SBF2: variants seen among roughly 807,000 people sequenced by gnomAD.
SBF2 encodes myotubularin-related protein 13.
A neutral mutation model predicts 225.2 loss-of-function variants in SBF2; 112 were observed. The observed-to-expected ratio is 0.50, with a 90% CI of 0.43 to 0.58. The LOEUF (loss-of-function observed/expected upper bound fraction) is 0.58. SBF2 is among the 20% of genes least tolerant of loss of function. SBF2 has a pLI of 0.00. For synonymous variants in SBF2, 763 were observed against 773.3 expected, an observed-to-expected ratio of 0.99 and a Z score of 0.22; for missense variants, 1,996 against 2,206.2, an observed-to-expected ratio of 0.90 and a Z score of 1.91.
At chr11:9,839,437 A>AC in intron 26 of SBF2, 61 bp downstream of exon 26, 1 of 1,523,694 alleles carries the variant, frequency 6.6e-7, no homozygotes. Context: ...ATGGCCTATT[A>AC]AAGATTCAAA....
intron 27 of SBF2, among the ~76,000 whole-genome samples, chr11:9,831,063 A>G (rs951726522): frequency 1.3e-5 from 2 of 152,112 alleles, no homozygotes; most frequent in Non-Finnish European, 2.9e-5. Flanking sequence ...CAGTGGTGCA[A>G]TCGTGGCTCA....
At chr11:10,163,060 A>C (rs16907515) in intron 2 of SBF2, among the ~76,000 whole-genome samples, 11,333 of 152,262 alleles carry the variant, frequency 0.074, 605 homozygotes, top group East Asian at 0.28. Context: ...AAAGGACTAG[A>C]TAAATTCACT....
intron 1 of SBF2, among the ~76,000 whole-genome samples, chr11:10,268,164 C>T (rs1591337834): frequency 6.6e-6 from 1 of 152,142 alleles, no homozygotes; most frequent in East Asian, 1.9e-4. Context: ...CACTTGATTT[C>T]TCTCTGTAAA....
chr11:10,213,472 T>G (rs933677909), intron 1 of SBF2, among the ~76,000 whole-genome samples: 1 of 152,178 alleles, frequency 6.6e-6, no homozygotes, highest in Non-Finnish European at 1.5e-5. Flanking sequence ...AAACTAAAAT[T>G]AGATTCCTCC....
intron 2 of SBF2, among the ~76,000 whole-genome samples, chr11:10,082,145 T>A (rs1951392697): frequency 6.6e-6 from 1 of 152,058 alleles, no homozygotes; most frequent in South Asian, 2.1e-4. Flanking sequence ...AATGGATAAG[T>A]TCCTGGAAAC....
At chr11:9,991,097 CAT>C (rs1300243244) in intron 12 of SBF2, among the ~76,000 whole-genome samples, 2 of 152,120 alleles carry the variant, frequency 1.3e-5, no homozygotes, top group Non-Finnish European at 2.9e-5. Flanking sequence ...CCTTGGAGAG[CAT>C]CTATTTTAAT....
chr11:9,912,924 A>G (rs1279939566), intron 16 of SBF2, among the ~76,000 whole-genome samples: 3 of 152,244 alleles, frequency 2.0e-5, no homozygotes, highest in East Asian at 3.8e-4. Context: ...AAGAATTACT[A>G]TAAAACATTA....
chr11:10,152,439 G>A (rs1186661411), intron 2 of SBF2, among the ~76,000 whole-genome samples: 1 of 151,790 alleles, frequency 6.6e-6, no homozygotes, highest in Non-Finnish European at 1.5e-5. Flanking sequence ...ATCCCAGCTG[G>A]TCGGGAGGCT....
At chr11:10,045,088 A>C (rs1366852082) in intron 2 of SBF2, among the ~76,000 whole-genome samples, 2 of 151,826 alleles carry the variant, frequency 1.3e-5, no homozygotes, top group Non-Finnish European at 2.9e-5. Context: ...GTTTGGCAGG[A>C]GGTCCAGTCA....
At chr11:10,217,948 G>A (rs1958190972) in intron 1 of SBF2, among the ~76,000 whole-genome samples, 1 of 151,964 alleles carries the variant, frequency 6.6e-6, no homozygotes, top group Non-Finnish European at 1.5e-5. Flanking sequence ...CGCCCAGGCT[G>A]GAGTGCAGTG....
In SBF2 at chr11:9,841,367, A is replaced by G. The variant is rs1291169202; in HGVS notation, c.3256+1258T>C. On this transcript the variant is annotated intron_variant, in intron 25 of 39. Transcript: ENST00000256190. ...GTCAATAGTGATGGGTAGCGATAAT[A>G]TTTTTATGGTTTGACACATGACTGT... Among the ~76,000 whole-genome samples the G allele has an allele frequency of 2.6e-5, 4 of 152,162 alleles. No homozygotes were observed. In the East Asian group the frequency reaches 7.7e-4, roughly 29 times the overall value.
intron 19 of SBF2, 85 bp downstream of exon 19, chr11:9,856,373 G>T: frequency 6.5e-7 from 1 of 1,543,778 alleles, no homozygotes; most frequent in African/African-American, 1.4e-5. Context: ...AGCAGTATTT[G>T]CTCAAAATGT....
chr11:10,300,270 G>A (rs994991418), intron 1 of SBF2, among the ~76,000 whole-genome samples: 4 of 152,190 alleles, frequency 2.6e-5, no homozygotes, highest in Admixed American at 1.3e-4. Context: ...GGTGATTACT[G>A]TATGTTGAGA....
intron 16 of SBF2, among the ~76,000 whole-genome samples, chr11:9,955,316 C>G (rs1179102926): frequency 6.6e-6 from 1 of 151,956 alleles, no homozygotes; most frequent in Non-Finnish European, 1.5e-5. Flanking sequence ...CATATACATA[C>G]ATACATACAT....
intron 16 of SBF2, among the ~76,000 whole-genome samples, chr11:9,899,202 T>C (rs1349177410): frequency 1.3e-5 from 2 of 151,866 alleles, no homozygotes; most frequent in South Asian, 2.1e-4. Flanking sequence ...AGCAATAAAA[T>C]AGTCACTTGG....
intron 16 of SBF2, among the ~76,000 whole-genome samples, chr11:9,911,096 G>A (rs975017985): frequency 2.0e-5 from 3 of 151,498 alleles, no homozygotes; most frequent in East Asian, 1.9e-4. Context: ...GACTGGGCAC[G>A]GTGGCTCATG....
At chr11:10,140,069 T>C (rs753700217) in intron 2 of SBF2, among the ~76,000 whole-genome samples, 1 of 152,230 alleles carries the variant, frequency 6.6e-6, no homozygotes, top group Non-Finnish European at 1.5e-5. Context: ...CATTTGGTCT[T>C]TGCCACCAGT....
chr11:10,154,491 G>T (rs551930868), intron 2 of SBF2, among the ~76,000 whole-genome samples: 4 of 151,934 alleles, frequency 2.6e-5, no homozygotes, highest in African/African-American at 7.3e-5. Context: ...TTCAGTTCTC[G>T]TATTTGATGT....
rs574331453 is a variant in SBF2 at position 10,286,103 on chromosome 11, C to T, written c.55+7912G>A. On this transcript the variant is annotated intron_variant, in intron 1 of 39. Transcript: ENST00000256190. ...TCAGCCTCCCATAGTGATGGGATTA[C>T]AGGCGTGAGCTACCACGCCCAGCCA... Among the ~76,000 whole-genome samples the T allele has an allele frequency of 1.5e-4, 23 of 152,080 alleles. No individual in the cohort carries two copies. The South Asian group carries it at 4.1e-3, about 27-fold the overall frequency.
Sources: gnomAD v4.1 joint callset for allele counts (sites outside exome capture counted in the v4.1 genomes callset) on GRCh38, gnomAD v4.1.1 for gene constraint, MANE v1.5 for transcripts, NCBI Gene and HGNC (gene_info 2026-07-23, HGNC 2026-07-21) for gene names.